CSNK2A2IP: variants seen among roughly 807,000 people sequenced by gnomAD.
CSNK2A2IP encodes casein kinase 2 subunit alpha' interacting protein.
chr3:88,431,771 C>A, the CSNK2A2IP span, among the ~76,000 whole-genome samples: 12,692 of 152,110 alleles, frequency 0.083, 923 homozygotes, highest in Admixed American at 0.24. Flanking sequence ...CTAATTTGAA[C>A]TTCTGGAAAA....
chr3:88,465,706 G>T, the CSNK2A2IP span: 2 of 1,231,660 alleles, frequency 1.6e-6, no homozygotes, highest in East Asian at 6.3e-5. Flanking sequence ...TGCTCAAAGA[G>T]CCCTGAACTC....
chr3:88,373,847 C>A, the CSNK2A2IP span, among the ~76,000 whole-genome samples: 5 of 151,478 alleles, frequency 3.3e-5, no homozygotes, highest in African/African-American at 1.2e-4. Flanking sequence ...CTCTTATGAA[C>A]AGCTTTATGC....
At chr3:88,344,209 C>A in the CSNK2A2IP span, among the ~76,000 whole-genome samples, 1 of 139,172 alleles carries the variant, frequency 7.2e-6, no homozygotes, top group Non-Finnish European at 1.6e-5. Flanking sequence ...CTTTTACAAA[C>A]TGTTAATAAT....
chr3:88,457,751 A>AAAATAAAATAAAAT, the CSNK2A2IP span, among the ~76,000 whole-genome samples: 3 of 148,322 alleles, frequency 2.0e-5, no homozygotes, highest in African/African-American at 7.3e-5. Flanking sequence ...AAAATAAAAT[A>AAAATAAAATAAAAT]AAATCTAGTA....
chr3:88,393,436 A>G, the CSNK2A2IP span, among the ~76,000 whole-genome samples: 8 of 152,220 alleles, frequency 5.3e-5, no homozygotes, highest in African/African-American at 1.9e-4. Flanking sequence ...AATTTGTTGA[A>G]TCAAAATGGG....
At chr3:88,395,679 C>T in the CSNK2A2IP span, among the ~76,000 whole-genome samples, 1 of 152,148 alleles carries the variant, frequency 6.6e-6, no homozygotes, top group East Asian at 1.9e-4. Flanking sequence ...TGAACTGAAA[C>T]TGCAGAAAAA....
chr3:88,456,383 T>C, the CSNK2A2IP span, among the ~76,000 whole-genome samples: 1 of 152,262 alleles, frequency 6.6e-6, no homozygotes, highest in Non-Finnish European at 1.5e-5. Context: ...AGTTGTTTTA[T>C]ACTTTTCAGT....
chr3:88,378,213 T>TA, the CSNK2A2IP span, among the ~76,000 whole-genome samples: 1 of 151,968 alleles, frequency 6.6e-6, no homozygotes, highest in Non-Finnish European at 1.5e-5. Context: ...TCAGTAAAAG[T>TA]AAATAAATGA....
the CSNK2A2IP span, among the ~76,000 whole-genome samples, chr3:88,460,129 A>G: frequency 6.6e-6 from 1 of 152,174 alleles, no homozygotes; most frequent in Non-Finnish European, 1.5e-5. Context: ...AAGGAACTCA[A>G]TTATAAAAAT....
At chr3:88,406,925 C>T in the CSNK2A2IP span, among the ~76,000 whole-genome samples, 2 of 152,040 alleles carry the variant, frequency 1.3e-5, no homozygotes, top group African/African-American at 4.8e-5. Flanking sequence ...CTCATGTGGC[C>T]GACACGGAGG....
the CSNK2A2IP span, among the ~76,000 whole-genome samples, chr3:88,365,636 A>G: frequency 2.0e-5 from 3 of 152,122 alleles, no homozygotes; most frequent in African/African-American, 4.8e-5. Context: ...AGATCCTTAT[A>G]TCATTGTTTA....
chr3:88,386,256 C>T, the CSNK2A2IP span, among the ~76,000 whole-genome samples: 2 of 152,082 alleles, frequency 1.3e-5, no homozygotes, highest in Non-Finnish European at 2.9e-5. Flanking sequence ...TCCCAAGTTG[C>T]TGGGATTACA....
chr3:88,370,741 A>G, the CSNK2A2IP span, among the ~76,000 whole-genome samples: 97 of 151,640 alleles, frequency 6.4e-4, 1 homozygote, highest in Admixed American at 1.2e-3. Context: ...GTGTCCCCCC[A>G]AATTTATATG....
chr3:88,397,355 C>A, the CSNK2A2IP span, among the ~76,000 whole-genome samples: 1 of 152,098 alleles, frequency 6.6e-6, no homozygotes, highest in African/African-American at 2.4e-5. Flanking sequence ...TTTGTGCTAC[C>A]TTTACAATAG....
At chr3:88,411,355 A>G in the CSNK2A2IP span, among the ~76,000 whole-genome samples, 1 of 124,332 alleles carries the variant, frequency 8.0e-6, no homozygotes, top group African/African-American at 3.3e-5. Flanking sequence ...TCTATCATCT[A>G]TCTATCTATC....
chr3:88,351,890 C>T, the CSNK2A2IP span, among the ~76,000 whole-genome samples: 1 of 152,038 alleles, frequency 6.6e-6, no homozygotes, highest in Non-Finnish European at 1.5e-5. Flanking sequence ...TTTCAGAGTT[C>T]ATCATTTATA....
chr3:88,396,772 GA>G, the CSNK2A2IP span, among the ~76,000 whole-genome samples: 1 of 152,304 alleles, frequency 6.6e-6, no homozygotes, highest in South Asian at 2.1e-4. Flanking sequence ...ATTTTAAAAA[GA>G]TCAGTATGGC....
chr3:88,347,099 A>G, the CSNK2A2IP span, among the ~76,000 whole-genome samples: 1 of 152,038 alleles, frequency 6.6e-6, no homozygotes, highest in African/African-American at 2.4e-5. Context: ...TAGAATAGAA[A>G]TGGAGCCTGA....
the CSNK2A2IP span, among the ~76,000 whole-genome samples, chr3:88,366,343 G>A: frequency 6.6e-6 from 1 of 152,112 alleles, no homozygotes; most frequent in Admixed American, 6.6e-5. Context: ...GTATCTTGTT[G>A]TCATCATGTT....
Sources: allele counts gnomAD v4.1 joint callset (sites outside exome capture counted in the v4.1 genomes callset), GRCh38; gene constraint gnomAD v4.1.1; transcripts MANE v1.5; gene names NCBI Gene and HGNC (gene_info 2026-07-23, HGNC 2026-07-21).